EML1: variants seen among roughly 807,000 people sequenced by gnomAD.
EML1 encodes EMAP like 1.
A neutral mutation model predicts 110.4 loss-of-function variants in EML1; 27 were observed. That is an observed-to-expected ratio of 0.24 (90% CI 0.18 to 0.34). The LOEUF (loss-of-function observed/expected upper bound fraction) is 0.34. EML1 is among the 10% of genes least tolerant of loss of function. EML1 has a pLI of 1.00. For synonymous variants in EML1, 344 were observed against 385.8 expected, an observed-to-expected ratio of 0.89 and a Z score of 1.27; for missense variants, 741 against 1,030.9, an observed-to-expected ratio of 0.72 and a Z score of 3.85.
chr14:99,889,689 G>A (rs1192354159), intron 4 of EML1, among the ~76,000 whole-genome samples: 1 of 152,156 alleles, frequency 6.6e-6, no homozygotes, highest in Non-Finnish European at 1.5e-5. Flanking sequence ...GAGCCTGCTG[G>A]GCCAGGTTCC....
At chr14:99,776,020 T>C (rs953779467) in intron 1 of EML1, among the ~76,000 whole-genome samples, 1 of 152,246 alleles carries the variant, frequency 6.6e-6, no homozygotes, top group Admixed American at 6.5e-5. Context: ...ACTATGGCTG[T>C]CTTTTAAGAA....
chr14:99,874,836 C>T, intron 3 of EML1: 1 of 1,172,326 alleles, frequency 8.5e-7, no homozygotes, highest in Non-Finnish European at 1.2e-6. Flanking sequence ...TGTGTGCGTC[C>T]TGCAATTTAC....
At chr14:99,751,263 G>C (rs926361725) in intron 1 of EML1, among the ~76,000 whole-genome samples, 1 of 151,986 alleles carries the variant, frequency 6.6e-6, no homozygotes, top group African/African-American at 2.4e-5. Flanking sequence ...GAACCACAGG[G>C]GGGTGGGCAG....
intron 4 of EML1, chr14:99,883,493 T>C (rs933342376): frequency 6.7e-6 from 1 of 149,490 alleles, no homozygotes; most frequent in African/African-American, 2.5e-5. Flanking sequence ...ATCATACCAC[T>C]GTACTCCGGA....
chr14:99,794,521 G>A (rs1477534528), intron 1 of EML1, among the ~76,000 whole-genome samples: 1 of 152,134 alleles, frequency 6.6e-6, no homozygotes, highest in African/African-American at 2.4e-5. Flanking sequence ...TTTAGGGAAA[G>A]TTTTCTTGTT....
chr14:99,892,394 A>T (rs1054060582), intron 5 of EML1, among the ~76,000 whole-genome samples: 1 of 152,314 alleles, frequency 6.6e-6, no homozygotes, highest in African/African-American at 2.4e-5. Context: ...TGTAATTTGG[A>T]TCCCAATTGG....
intron 1 of EML1, among the ~76,000 whole-genome samples, chr14:99,816,384 A>G (rs1423380476): frequency 1.3e-5 from 2 of 152,190 alleles, no homozygotes; most frequent in African/African-American, 2.4e-5. Flanking sequence ...GCTGGTCTTG[A>G]TCTCCTAACC....
At chr14:99,914,106 G>A in intron 13 of EML1, 73 bp from the exon 14 acceptor site, 1 of 1,551,276 alleles carries the variant, frequency 6.4e-7, no homozygotes, top group South Asian at 1.2e-5. Flanking sequence ...ATTATGATAA[G>A]TGTTTTGAAT....
intron 1 of EML1, among the ~76,000 whole-genome samples, chr14:99,783,812 G>A (rs1418388596): frequency 6.6e-6 from 1 of 152,186 alleles, no homozygotes; most frequent in Non-Finnish European, 1.5e-5. Flanking sequence ...GAGCACCCAG[G>A]ACAAAGGCCT....
intron 1 of EML1, among the ~76,000 whole-genome samples, chr14:99,832,849 G>A (rs2058481672): frequency 6.6e-6 from 1 of 151,618 alleles, no homozygotes; most frequent in Non-Finnish European, 1.5e-5. Context: ...CTTTTGAAAA[G>A]CAGAAGTTCT....
chr14:99,826,987 C>A (rs1475395504), intron 1 of EML1, among the ~76,000 whole-genome samples: 3 of 152,160 alleles, frequency 2.0e-5, no homozygotes, highest in Non-Finnish European at 4.4e-5. Context: ...TAATTTTTTT[C>A]ATTCATTCAG....
intron 3 of EML1, among the ~76,000 whole-genome samples, chr14:99,869,796 T>C (rs566098232): frequency 5.3e-5 from 8 of 152,258 alleles, no homozygotes; most frequent in African/African-American, 1.7e-4. Flanking sequence ...TCACTCAAGG[T>C]CTGGTTGTTT....
intron 1 of EML1, among the ~76,000 whole-genome samples, chr14:99,741,211 C>T (rs961495879): frequency 6.6e-6 from 1 of 152,186 alleles, no homozygotes; most frequent in South Asian, 2.1e-4. Context: ...AGGCCTCTAA[C>T]CTGCAGAAGT....
At chr14:99,811,095 T>A (rs551072675) in intron 1 of EML1, among the ~76,000 whole-genome samples, 27 of 149,084 alleles carry the variant, frequency 1.8e-4, no homozygotes, top group African/African-American at 6.3e-4. Flanking sequence ...CATACACGGT[T>A]GACCCTTGAA....
intron 1 of EML1, among the ~76,000 whole-genome samples, chr14:99,820,903 C>T (rs2058249990): frequency 6.6e-6 from 1 of 152,116 alleles, no homozygotes; most frequent in Admixed American, 6.5e-5. Context: ...AAAGCCTACA[C>T]ACTTTCTAAC....
At chr14:99,866,806 T>C (rs2059111132) in intron 3 of EML1, among the ~76,000 whole-genome samples, 2 of 152,186 alleles carry the variant, frequency 1.3e-5, no homozygotes, top group South Asian at 2.1e-4. Flanking sequence ...ATCTAAGTAG[T>C]GCTTGTTCTT....
chr14:99,810,401 C>T (rs559876085), intron 1 of EML1, among the ~76,000 whole-genome samples: 9 of 152,184 alleles, frequency 5.9e-5, no homozygotes, highest in Non-Finnish European at 7.3e-5. Flanking sequence ...GTAACATCTG[C>T]GGTTTATGGT....
At chr14:99,750,380 TC>T (rs1220034937) in intron 1 of EML1, among the ~76,000 whole-genome samples, 3 of 152,112 alleles carry the variant, frequency 2.0e-5, no homozygotes, top group Non-Finnish European at 2.9e-5. Context: ...CCAGGCTGTT[TC>T]TGGGCCCTGC....
chr14:99,828,758 G>T (rs1200701627), intron 1 of EML1, among the ~76,000 whole-genome samples: 1 of 152,126 alleles, frequency 6.6e-6, no homozygotes, highest in Non-Finnish European at 1.5e-5. Context: ...CACATATTTT[G>T]TATGTTATAT....
Sources: allele counts gnomAD v4.1 joint callset (sites outside exome capture counted in the v4.1 genomes callset), GRCh38; gene constraint gnomAD v4.1.1; transcripts MANE v1.5; gene names NCBI Gene and HGNC (gene_info 2026-07-23, HGNC 2026-07-21).